CAPS2: variants seen among roughly 807,000 people sequenced by gnomAD.
CAPS2 encodes calcyphosine 2.
Under a neutral mutation model 86.5 loss-of-function variants are expected in CAPS2, and 98 were observed. The ratio of observed to expected loss-of-function variants is 1.13; its 90% CI spans 0.96 to 1.34. CAPS2 has a LOEUF of 1.34. CAPS2 is among the 40% of genes most tolerant of loss of function. The probability of loss-of-function intolerance (pLI) is 0.00; values close to 1 mark genes in which losing one functional copy is unlikely to be tolerated. For missense variants in CAPS2, 729 were observed against 686.8 expected (o/e 1.06, Z -0.69); for synonymous variants, 210 against 225.1 (o/e 0.93, Z 0.60).
chr12:75,328,615 C>CA (rs1446125700), upstream of CAPS2, among the ~76,000 whole-genome samples: 2 of 152,208 alleles, frequency 1.3e-5, no homozygotes, highest in African/African-American at 4.8e-5. Context: ...ACATTTTACA[C>CA]ATATTCTTAG....
chr12:75,316,963 C>CA (rs1407815949), intron 5 of CAPS2, among the ~76,000 whole-genome samples: 3 of 151,586 alleles, frequency 2.0e-5, no homozygotes, highest in African/African-American at 4.8e-5. Flanking sequence ...CCCAGCAAAA[C>CA]AAAAAAAAGT....
At chr12:75,310,350 G>T (rs2039008854) in intron 7 of CAPS2, among the ~76,000 whole-genome samples, 1 of 152,146 alleles carries the variant, frequency 6.6e-6, no homozygotes, top group Non-Finnish European at 1.5e-5. Flanking sequence ...GCCTCACCAA[G>T]GTGACTTCTA....
At chr12:75,337,122 C>T (rs1467975826) in intron 1 of CAPS2, among the ~76,000 whole-genome samples, 1 of 151,508 alleles carries the variant, frequency 6.6e-6, no homozygotes, top group Admixed American at 6.6e-5. Context: ...TGGAAGCATA[C>T]GTATAGATTT....
At chr12:75,380,961 T>C (rs575577638) in intron 1 of CAPS2, among the ~76,000 whole-genome samples, 1 of 152,352 alleles carries the variant, frequency 6.6e-6, no homozygotes, top group East Asian at 1.9e-4. Context: ...AGAAGTAATG[T>C]ACATTCAGGA....
exon 14 of CAPS2, chr12:75,289,641 G>T (rs2138236671): frequency 1.2e-6 from 2 of 1,612,618 alleles, no homozygotes; most frequent in Middle Eastern, 1.7e-4. Flanking sequence ...ACTTCTAAGT[G>T]AAACACTTTT....
chr12:75,287,645 C>T (rs2035132650), intron 14 of CAPS2, among the ~76,000 whole-genome samples: 1 of 152,140 alleles, frequency 6.6e-6, no homozygotes, highest in African/African-American at 2.4e-5. Flanking sequence ...GGGTGGCACC[C>T]AGGGAGGGCA....
At chr12:75,369,083 C>A (rs2044184943) in intron 1 of CAPS2, among the ~76,000 whole-genome samples, 1 of 151,734 alleles carries the variant, frequency 6.6e-6, no homozygotes, top group African/African-American at 2.4e-5. Flanking sequence ...GAGAGATACG[C>A]AATATAGCAT....
At chr12:75,351,905 C>G (rs2139449308) in intron 1 of CAPS2, among the ~76,000 whole-genome samples, 1 of 152,222 alleles carries the variant, frequency 6.6e-6, no homozygotes, top group Admixed American at 6.5e-5. Context: ...TCCAGCCAAA[C>G]AACATCATAA....
downstream of CAPS2, chr12:75,277,210 C>CTT (rs11349252): frequency 8.8e-5 from 74 of 843,490 alleles, no homozygotes; most frequent in African/African-American, 1.4e-4. Context: ...AGTAGCTTCC[C>CTT]TTTTTTTTTT....
intron 6 of CAPS2, among the ~76,000 whole-genome samples, chr12:75,313,238 T>C (rs1411229006): frequency 2.0e-5 from 3 of 152,090 alleles, no homozygotes; most frequent in African/African-American, 4.8e-5. Context: ...TCCACTCTAT[T>C]CCTCCCCTCA....
chr12:75,360,671 T>C (rs771522008), intron 1 of CAPS2: 19 of 152,208 alleles, frequency 1.2e-4, no homozygotes, highest in Non-Finnish European at 2.5e-4. Context: ...ATGGTGCAAG[T>C]TGTCATTTGA....
chr12:75,341,580 G>A (rs111467925), intron 1 of CAPS2, among the ~76,000 whole-genome samples: 1,616 of 151,906 alleles, frequency 0.011, 20 homozygotes, highest in African/African-American at 0.032. Context: ...CGGAGTAACT[G>A]AGACTACAGG....
At chr12:75,354,167 G>C (rs751619950) in intron 1 of CAPS2, among the ~76,000 whole-genome samples, 2 of 46,294 alleles carry the variant, frequency 4.3e-5, no homozygotes, top group Non-Finnish European at 1.1e-4. Flanking sequence ...AGAAAAAAAA[G>C]GGGGGGGGGT....
At chr12:75,330,571 AT>A (rs374634187), upstream of CAPS2, among the ~76,000 whole-genome samples, 66 of 152,158 alleles carry the variant, frequency 4.3e-4, 1 homozygote, top group South Asian at 0.01. Context: ...GCTTGCACTT[AT>A]TTTTTTTAAA....
Position 75,277,549 on chromosome 12 carries a change from G to T in CAPS2, c.*1341C>A, listed in dbSNP as rs1009468934. On this transcript the variant is annotated 3_prime_UTR_variant, in exon 17 of 17. Transcript: ENST00000393284. The stretch of plus-strand genomic sequence containing the variant: ...AATCAAGAAATAAAGAATTTAGCCA[G>T]TGAAAATAGCACTAGAGGTTTACAC... 3.2e-6 allele frequency: 3 copies of T among 940,458 alleles called. No individual in the cohort carries two copies. In the African/African-American group the frequency reaches 5.3e-5, roughly 17 times the overall value. 58.3% of individuals were successfully genotyped at this position (940,458 alleles called of 1,614,324 possible).
chr12:75,390,177 AT>A (rs1276605266), intron 1 of CAPS2: 6 of 372,898 alleles, frequency 1.6e-5, no homozygotes, highest in African/African-American at 1.3e-4. Flanking sequence ...CATGCTTAGA[AT>A]TTAAAGTCTT....
chr12:75,384,642 A>T (rs368048349), intron 1 of CAPS2, among the ~76,000 whole-genome samples: 1 of 152,192 alleles, frequency 6.6e-6, no homozygotes, highest in South Asian at 2.1e-4. Flanking sequence ...ATACTTCTTA[A>T]CTCATTCTAT....
At chr12:75,328,937 G>T (rs1273303086), upstream of CAPS2, among the ~76,000 whole-genome samples, 1 of 152,208 alleles carries the variant, frequency 6.6e-6, no homozygotes, top group African/African-American at 2.4e-5. Flanking sequence ...CGGATCTATG[G>T]AATTAGAGCA....
intron 2 of CAPS2, among the ~76,000 whole-genome samples, chr12:75,323,724 C>G (rs1258030280): frequency 6.6e-6 from 1 of 152,210 alleles, no homozygotes; most frequent in Non-Finnish European, 1.5e-5. Context: ...GTCTGGGCAA[C>G]AAGAGTGAAA....
Sources: gnomAD v4.1 joint callset for allele counts (sites outside exome capture counted in the v4.1 genomes callset) on GRCh38, gnomAD v4.1.1 for gene constraint, MANE v1.5 for transcripts, NCBI Gene and HGNC (gene_info 2026-07-23, HGNC 2026-07-21) for gene names.